AKAP13: variants seen among roughly 807,000 people sequenced by gnomAD.
AKAP13 encodes A-kinase anchoring protein 13, also known as A-kinase anchor protein 13.
Under a neutral mutation model 264.5 loss-of-function variants are expected in AKAP13, and 80 were observed. That is an observed-to-expected ratio of 0.30 (90% CI 0.25 to 0.36). The LOEUF is 0.36. Among genes scored for constraint, AKAP13 ranks in the 10% least tolerant of loss-of-function variants. The probability of loss-of-function intolerance (pLI) is 1.00; values close to 1 mark genes in which losing one functional copy is unlikely to be tolerated. For synonymous variants in AKAP13, 1,380 were observed against 1,250.2 expected (o/e 1.10, Z -2.19); for missense variants, 3,712 against 3,435.2 (o/e 1.08, Z -2.01).
intron 1 of AKAP13, among the ~76,000 whole-genome samples, chr15:85,399,531 T>A (rs28361931): frequency 0.26 from 26,107 of 100,366 alleles, 3,791 homozygotes; most frequent in Non-Finnish European, 0.36. Context: ...AATAAAAAAA[T>A]AAAAAAATAA....
intron 6 of AKAP13, among the ~76,000 whole-genome samples, chr15:85,578,695 A>G (rs756467503): frequency 4.6e-5 from 7 of 152,204 alleles, no homozygotes; most frequent in Non-Finnish European, 1.0e-4. Flanking sequence ...TAGAAAATAG[A>G]TATTTCATAT....
At chr15:85,610,305 C>T (rs1225963771) in intron 8 of AKAP13, among the ~76,000 whole-genome samples, 1 of 152,192 alleles carries the variant, frequency 6.6e-6, no homozygotes, top group Non-Finnish European at 1.5e-5. Context: ...TGCCTCTTCC[C>T]TTCTTTTTCC....
Position 85,529,570 on chromosome 15 carries a change from A to C in AKAP13, c.182-4014A>C, listed in dbSNP as rs575219628. ...AGGCATACGCGGTGTAAAATTATTG[A>C]GTCTGTATTATGTAACTTTTTAAAA... On this transcript the variant is annotated intron_variant, in intron 3 of 36. Coordinates refer to ENST00000394518, the MANE Select transcript of AKAP13 (RefSeq NM_007200.5). Among the ~76,000 whole-genome samples, 13 of 152,306 alleles carry C rather than the reference A, an allele frequency of 8.5e-5. No homozygotes were observed. In the East Asian group the frequency reaches 2.5e-3, roughly 29 times the overall value.
intron 1 of AKAP13, among the ~76,000 whole-genome samples, chr15:85,427,849 T>C (rs1257294626): frequency 6.6e-6 from 1 of 152,162 alleles, no homozygotes; most frequent in African/African-American, 2.4e-5. Context: ...TGAATTACAA[T>C]AATAAAAGTA....
chr15:85,440,936 A>G (rs755117102), intron 1 of AKAP13, among the ~76,000 whole-genome samples: 6 of 152,212 alleles, frequency 3.9e-5, no homozygotes, highest in Non-Finnish European at 7.3e-5. Context: ...CTGATATAGC[A>G]GTTATAAGAG....
At chr15:85,389,087 G>T (rs1293375839) in intron 1 of AKAP13, among the ~76,000 whole-genome samples, 1 of 152,192 alleles carries the variant, frequency 6.6e-6, no homozygotes, top group African/African-American at 2.4e-5. Context: ...GAACTTTGGA[G>T]ATCATTTAGC....
intron 2 of AKAP13, among the ~76,000 whole-genome samples, chr15:85,508,000 TTC>T (rs965185609): frequency 6.6e-5 from 10 of 152,016 alleles, no homozygotes; most frequent in Non-Finnish European, 1.5e-4. Flanking sequence ...CCTCCTCCTT[TTC>T]TCTGTGGCAT....
intron 9 of AKAP13, 43 bp from the exon 10 acceptor site, chr15:85,645,775 G>GTTTTTTTT: frequency 7.3e-7 from 1 of 1,371,590 alleles, no homozygotes; most frequent in Non-Finnish European, 9.6e-7. Flanking sequence ...TGGTTTTTTT[G>GTTTTTTTT]TTTTTTTTTT....
At chr15:85,399,350 G>A (rs1379169820) in intron 1 of AKAP13, among the ~76,000 whole-genome samples, 1 of 148,860 alleles carries the variant, frequency 6.7e-6, no homozygotes, top group Non-Finnish European at 1.5e-5. Flanking sequence ...CAAAAAATTA[G>A]CCGGGCGCGG....
chr15:85,395,949 G>A (rs918100570), intron 1 of AKAP13, among the ~76,000 whole-genome samples: 4 of 151,748 alleles, frequency 2.6e-5, no homozygotes, highest in African/African-American at 4.8e-5. Context: ...AGCAACAATG[G>A]CACATAATAG....
intron 2 of AKAP13, 35 bp from the exon 3 acceptor site, chr15:85,521,393 C>T: frequency 6.2e-7 from 1 of 1,607,396 alleles, no homozygotes; most frequent in Non-Finnish European, 8.5e-7. Flanking sequence ...AGGAACCTTA[C>T]TAATGTAAAC....
intron 2 of AKAP13, among the ~76,000 whole-genome samples, chr15:85,487,781 G>A (rs980423071): frequency 1.4e-4 from 21 of 151,384 alleles, no homozygotes; most frequent in African/African-American, 4.9e-4. Context: ...ACCCAGCCTG[G>A]AGTGCAGTGA....
chr15:85,715,498 T>C (rs2086878587), intron 19 of AKAP13, among the ~76,000 whole-genome samples: 1 of 152,134 alleles, frequency 6.6e-6, no homozygotes. Context: ...TCAATAGTTA[T>C]CACCAAACTA....
intron 8 of AKAP13, among the ~76,000 whole-genome samples, chr15:85,604,273 A>G (rs968596001): frequency 2.0e-5 from 3 of 152,192 alleles, no homozygotes; most frequent in African/African-American, 7.2e-5. Flanking sequence ...GAGGTTGAAA[A>G]GCTGATTTAA....
At chr15:85,696,135 G>A (rs1161918269) in intron 17 of AKAP13, among the ~76,000 whole-genome samples, 1 of 152,118 alleles carries the variant, frequency 6.6e-6, no homozygotes, top group African/African-American at 2.4e-5. Context: ...CCATTTTCTT[G>A]TTTTCTGGTT....
chr15:85,444,176 G>A (rs2073817864), intron 1 of AKAP13, among the ~76,000 whole-genome samples: 2 of 152,176 alleles, frequency 1.3e-5, no homozygotes, highest in South Asian at 4.2e-4. Context: ...TAGTGATTTA[G>A]GGCTTTCCAC....
intron 16 of AKAP13, among the ~76,000 whole-genome samples, chr15:85,692,528 T>C (rs952359304): frequency 1.3e-5 from 2 of 150,918 alleles, no homozygotes; most frequent in Admixed American, 6.6e-5. Context: ...GCAGTAGTGG[T>C]AGTAGTGGTA....
intron 6 of AKAP13, among the ~76,000 whole-genome samples, chr15:85,575,633 A>G (rs2078981818): frequency 6.6e-6 from 1 of 151,974 alleles, no homozygotes; most frequent in African/African-American, 2.4e-5. Context: ...CGGAGCTTGC[A>G]GTGAGCCGAG....
rs559858269 is a variant in AKAP13 at position 85,546,365 on chromosome 15, A to G, written c.662+2410A>G. Among the ~76,000 whole-genome samples, 215 of 115,864 alleles carry G rather than the reference A, an allele frequency of 1.9e-3. 1 individual carries two copies. Among genetic ancestry groups the G allele is most frequent in the African/African-American group, 6.1e-3 (207 of 33,942 alleles). The allele number at this position is 115,864 out of a possible 152,430, so 76.0% of individuals were successfully genotyped here. ...ACACACACACACACACACACAGCCA[A>G]AAGTGTAAACAACCTAGATGTCCAT... On this transcript the variant is annotated intron_variant, in intron 5 of 36. Coordinates refer to ENST00000394518, the MANE Select transcript of AKAP13 (RefSeq NM_007200.5).
Sources: allele counts gnomAD v4.1 joint callset (sites outside exome capture counted in the v4.1 genomes callset), GRCh38; gene constraint gnomAD v4.1.1; transcripts MANE v1.5; gene names NCBI Gene and HGNC (gene_info 2026-07-23, HGNC 2026-07-21).